Variants in NRXN3 observed in about 807,000 individuals in gnomAD.
NRXN3 encodes neurexin 3.
NRXN3 carries 32 observed loss-of-function variants against 137.6 expected under a neutral mutation model. That is an observed-to-expected ratio of 0.23 (90% CI 0.18 to 0.31). The LOEUF is 0.31. NRXN3 is among the 10% of genes least tolerant of loss of function. The pLI, the probability that NRXN3 is intolerant of heterozygous loss-of-function variation, is 1.00. For missense variants in NRXN3, 1,574 were observed against 2,062.5 expected (o/e 0.76, Z 4.59); for synonymous variants, 798 against 784.5 (o/e 1.02, Z -0.29).
At position 78,243,190 on chromosome 14, in the gene NRXN3, C is replaced by T; in HGVS notation, c.97C>T (p.Leu33Phe). 1 of 1,544,878 alleles carries T rather than the reference C, an allele frequency of 6.5e-7. No individual in the cohort carries two copies. Residue 33 changes from leucine to phenylalanine, a missense_variant, in exon 2 of 21, where the codon CTC becomes TTC. By Grantham distance (22) the Leu-to-Phe change is conservative (BLOSUM62 0). Transcript: ENST00000335750. This position sits in a 1 kb window ranked among gnomAD's most constrained non-coding sequence, Gnocchi z 4.2. The stretch of plus-strand genomic sequence containing the variant: ...CTGCCTGGGCCTTGAGTTCATGGGC[C>T]TCCCCAACCAGTGGGCCCGCTACCT... Reference protein sequence around the residue: ...GLCLGLEFMGLPNQWARYLRW... With the variant: ...GLCLGLEFMGFPNQWARYLRW...
At chr14:79,071,760 C>A (rs547756242) in intron 15 of NRXN3, among the ~76,000 whole-genome samples, 1 of 152,086 alleles carries the variant, frequency 6.6e-6, no homozygotes, top group African/African-American at 2.4e-5. Flanking sequence ...GATTTGATAG[C>A]CTATCAGGGT....
chr14:78,333,743 A>G (rs555813877), intron 4 of NRXN3, among the ~76,000 whole-genome samples: 1 of 152,164 alleles, frequency 6.6e-6, no homozygotes, highest in African/African-American at 2.4e-5. Flanking sequence ...GGCATATTTT[A>G]TAAGCCTTTG....
chr14:79,300,823 G>A (rs1487977653), intron 15 of NRXN3, among the ~76,000 whole-genome samples: 2 of 152,000 alleles, frequency 1.3e-5, no homozygotes, highest in Non-Finnish European at 2.9e-5. Context: ...GGATGGGAGG[G>A]TTTCTTGCTG....
At chr14:78,442,362 A>G (rs2094288063) in intron 4 of NRXN3, among the ~76,000 whole-genome samples, 1 of 152,118 alleles carries the variant, frequency 6.6e-6, no homozygotes. Context: ...GACAGAGATG[A>G]GAACGATGTG....
intron 15 of NRXN3, among the ~76,000 whole-genome samples, chr14:79,296,474 A>G (rs183985054): frequency 5.9e-4 from 90 of 151,458 alleles, no homozygotes; most frequent in Admixed American, 1.8e-3. Flanking sequence ...GATGTTCCAG[A>G]ATCAGTGACT....
intron 4 of NRXN3, among the ~76,000 whole-genome samples, chr14:78,424,825 A>G (rs898505233): frequency 6.6e-6 from 1 of 152,232 alleles, no homozygotes; most frequent in African/African-American, 2.4e-5. Flanking sequence ...TTATACATGG[A>G]GAAACTGAGG....
chr14:78,282,405 G>A (rs2074532198), intron 3 of NRXN3: 2 of 312,566 alleles, frequency 6.4e-6, no homozygotes, highest in Non-Finnish European at 1.3e-5. Flanking sequence ...CTGCCTGGAG[G>A]GGCTGTTTAT....
At chr14:79,737,738 T>C (rs2098947062) in intron 19 of NRXN3, among the ~76,000 whole-genome samples, 1 of 152,000 alleles carries the variant, frequency 6.6e-6, no homozygotes, top group African/African-American at 2.4e-5. Flanking sequence ...TTCTTTTTTT[T>C]TTTTAAGTCA....
chr14:79,308,965 T>C (rs2086682001), intron 15 of NRXN3, among the ~76,000 whole-genome samples: 3 of 139,908 alleles, frequency 2.1e-5, no homozygotes, highest in Admixed American at 7.3e-5. Flanking sequence ...AGTTTTAGGG[T>C]ACATGTGCAC....
intron 10 of NRXN3, among the ~76,000 whole-genome samples, chr14:78,815,014 T>G (rs989044438): frequency 1.3e-5 from 2 of 152,234 alleles, no homozygotes; most frequent in Non-Finnish European, 2.9e-5. Context: ...TCTCAAACGC[T>G]AATTCTTCTG....
intron 15 of NRXN3, among the ~76,000 whole-genome samples, chr14:79,175,093 G>A (rs1385424194): frequency 6.6e-6 from 1 of 150,440 alleles, no homozygotes; most frequent in Non-Finnish European, 1.5e-5. Context: ...CCATTCTCCT[G>A]CCTCAGCCTC....
chr14:79,229,839 T>C (rs2071805814), intron 15 of NRXN3, among the ~76,000 whole-genome samples: 1 of 113,822 alleles, frequency 8.8e-6, no homozygotes, highest in African/African-American at 3.3e-5. Flanking sequence ...ACCTTGGGAC[T>C]AGCTGAAGGG....
At chr14:79,227,756 T>TCCTTCCTTCCTC in intron 15 of NRXN3, among the ~76,000 whole-genome samples, 1 of 99,494 alleles carries the variant, frequency 1.0e-5, no homozygotes, top group Non-Finnish European at 2.2e-5. Context: ...CTTCCTTCCT[T>TCCTTCCTTCCTC]CCTTCCTTCC....
intron 15 of NRXN3, among the ~76,000 whole-genome samples, chr14:79,262,549 A>AGAG (rs372137283): frequency 1.3e-5 from 2 of 151,064 alleles, no homozygotes; most frequent in African/African-American, 2.4e-5. Flanking sequence ...AAGGAAGGAG[A>AGAG]GAGGAGGAGG....
intron 15 of NRXN3, among the ~76,000 whole-genome samples, chr14:79,146,881 T>C (rs375258451): frequency 5.8e-4 from 88 of 152,234 alleles, no homozygotes; most frequent in African/African-American, 1.8e-3. Context: ...CTTAACTGAA[T>C]GTGGCCATAA....
chr14:79,181,539 C>T lies in NRXN3; in HGVS notation c.3262+193398C>T, dbSNP rs571088280. 5.9e-5 allele frequency among the ~76,000 whole-genome samples: 9 copies of T among 151,922 alleles called. No homozygotes were observed. The East Asian group carries it at 1.4e-3, about 23-fold the overall frequency. On this transcript the variant is annotated intron_variant, in intron 15 of 20. Transcript: ENST00000335750. Reference sequence around the variant, plus strand: ...CTCTACTAAAAACACAAAAATTAGCCGGGCGGATGAGGGTTCCTATAATCC... The same window carrying T: ...CTCTACTAAAAACACAAAAATTAGCTGGGCGGATGAGGGTTCCTATAATCC...
chr14:79,623,849 G>GGTTTT (rs1555570746), intron 16 of NRXN3, among the ~76,000 whole-genome samples: 6 of 98,000 alleles, frequency 6.1e-5, no homozygotes, highest in African/African-American at 2.3e-4. Context: ...CTTAGCTCCT[G>GGTTTT]TTTTTTTTTT....
chr14:78,661,452 AT>A (rs1428646094), intron 6 of NRXN3, among the ~76,000 whole-genome samples: 1 of 152,172 alleles, frequency 6.6e-6, no homozygotes, highest in African/African-American at 2.4e-5. Flanking sequence ...GATTAAGTGG[AT>A]TTTTTTGGCC....
chr14:79,433,525 A>G (rs948598359), intron 15 of NRXN3, among the ~76,000 whole-genome samples: 2 of 152,150 alleles, frequency 1.3e-5, no homozygotes, highest in Non-Finnish European at 2.9e-5. Context: ...TTTAAAAAAA[A>G]TACTTAGGTA....
Sources: gnomAD v4.1 joint callset for allele counts (sites outside exome capture counted in the v4.1 genomes callset) on GRCh38, gnomAD v4.1.1 for gene constraint, Gnocchi (gnomAD v3.1) non-coding constraint, MANE v1.5 for transcripts, NCBI Gene and HGNC (gene_info 2026-07-23, HGNC 2026-07-21) for gene names.